Variants in GLIPR1 observed in about 807,000 individuals in gnomAD.
GLIPR1 encodes GLI pathogenesis related 1.
Under a neutral mutation model 30.3 loss-of-function variants are expected in GLIPR1, and 38 were observed. The ratio of observed to expected loss-of-function variants is 1.26; its 90% confidence interval spans 0.97 to 1.65. GLIPR1 has a LOEUF of 1.65. GLIPR1 is among the 40% of genes most tolerant of loss of function. GLIPR1 has a pLI of 0.00. For missense variants in GLIPR1, 285 were observed against 326.5 expected, an observed-to-expected ratio of 0.87 and a Z score of 0.98; for synonymous variants, 122 against 110.6, an observed-to-expected ratio of 1.10 and a Z score of -0.65.
In GLIPR1 at chr12:75,499,978, G is replaced by A. The variant is rs1281157218; in HGVS notation, c.*1000G>A. On this transcript the variant is annotated 3_prime_UTR_variant, in exon 6 of 6. Transcript: ENST00000266659. The stretch of plus-strand genomic sequence containing the variant: ...TAGACAAATTAAAAGCACAACACAT[G>A]TAATACTTTAGATTTTACCAAGTAA... 2 of 1,553,704 alleles carry A rather than the reference G, an allele frequency of 1.3e-6. No individual in the cohort carries two copies. The highest frequency in any genetic ancestry group is 4.0e-5 in the Admixed American group (2 of 50,440).
In GLIPR1 at chr12:75,481,017, C is replaced by T. The variant is rs368043396; in HGVS notation, c.137C>T (p.Ser46Leu). Reference protein sequence around the residue: ...DCVRIHNKFRSEVKPTASDML... With the variant: ...DCVRIHNKFRLEVKPTASDML... ...GTTCGAATCCATAACAAGTTCCGAT[C>T]AGAGGTGAAACCAACAGCCAGTGAT... Residue 46 changes from serine to leucine, a missense_variant, in exon 1 of 6, where the codon TCA becomes TTA. Physicochemically the swap from Ser to Leu is moderately radical, Grantham distance 145. Transcript: ENST00000266659. The T allele has an allele frequency of 2.2e-5, 36 of 1,613,678 alleles. No homozygotes were observed. Among genetic ancestry groups the T allele is most frequent in the Non-Finnish European group, 3.1e-5 (36 of 1,179,674 alleles).
At position 75,481,952 on chromosome 12, in the gene GLIPR1, A is replaced by G; in HGVS notation, c.293A>G (p.Glu98Gly). The part of the protein sequence containing the change: ...KLHPNFTSLG[E>G]NIWTGSVPIF... ...CACCCAAACTTCACTTCACTGGGAG[A>G]GAACATCTGGACTGGGTCTGTGCCC... Residue 98 changes from glutamate (E) to glycine (G), a missense_variant, in exon 2 of 6, where the codon GAG becomes GGG. By Grantham distance (98) the Glu-to-Gly change is moderately conservative. Coordinates refer to ENST00000266659, the MANE Select transcript of GLIPR1 (RefSeq NM_006851.3). 1 of 1,614,172 alleles carries G rather than the reference A, an allele frequency of 6.2e-7. No homozygotes were observed. The highest frequency in any genetic ancestry group is 2.2e-5 in the East Asian group (1 of 44,876).
At chr12:75,493,489 G>A (rs1015915211) in intron 3 of GLIPR1, 4 of 152,138 alleles carry the variant, frequency 2.6e-5, no homozygotes, top group African/African-American at 9.7e-5. Context: ...CAAGGGTATG[G>A]TGTGTAACAG....
chr12:75,495,566 C>A lies in GLIPR1; in HGVS notation c.534-11C>A. The A allele has an allele frequency of 6.5e-7, 1 of 1,531,742 alleles. No homozygotes were observed. The highest frequency in any genetic ancestry group is 9.0e-7 in the Non-Finnish European group (1 of 1,105,964). The allele number at this position is 1,531,742 out of a possible 1,614,324, so 94.9% of individuals were successfully genotyped here. ...AAAACTTCTAATGGACATCCTTCTTCTGCTTTACAGAGGGAATTACCCAAC... is the reference window on the plus strand; with the variant it reads ...AAAACTTCTAATGGACATCCTTCTTATGCTTTACAGAGGGAATTACCCAAC... On this transcript the variant is annotated splice_polypyrimidine_tract_variant and intron_variant, in intron 3 of 5. Coordinates refer to ENST00000266659, the MANE Select transcript of GLIPR1 (RefSeq NM_006851.3).
At position 75,502,762 on chromosome 12, in the gene GLIPR1, G is replaced by A. The variant is rs1311534544; in HGVS notation, c.*3784G>A. On this transcript the variant is annotated 3_prime_UTR_variant, in exon 6 of 6. Coordinates refer to ENST00000266659, the MANE Select transcript of GLIPR1 (RefSeq NM_006851.3). ...GTCAATCGAGACATCACTGTTTCAAGAAGCTTACACAGCTACAGAAGAAAG... is the reference window on the plus strand; with the variant it reads ...GTCAATCGAGACATCACTGTTTCAAAAAGCTTACACAGCTACAGAAGAAAG... 11 of 152,128 alleles carry A rather than the reference G, an allele frequency of 7.2e-5. No homozygotes were observed. The highest frequency in any genetic ancestry group is 6.2e-4 in the South Asian group (3 of 4,822). 9.4% of individuals were successfully genotyped at this position (152,128 alleles called of 1,614,324 possible).
Position 75,499,202 on chromosome 12 carries a change from T to G in GLIPR1, c.*224T>G. The G allele has an allele frequency of 2.7e-6, 1 of 367,592 alleles. No individual in the cohort carries two copies. The highest frequency in any genetic ancestry group is 4.8e-6 in the Non-Finnish European group (1 of 206,314). The allele number at this position is 367,592 out of a possible 1,614,324, so 22.8% of individuals were successfully genotyped here. A position where few individuals can be genotyped will look rare whatever the true frequency, so the allele number is the denominator to read the frequency against. Reference sequence around the variant, plus strand: ...CAGGTTGCCACAGGTGGACTTTTAGTAAGTAACCTAACCCATGTTTCAGCT... The same window carrying G: ...CAGGTTGCCACAGGTGGACTTTTAGGAAGTAACCTAACCCATGTTTCAGCT... On this transcript the variant is annotated 3_prime_UTR_variant, in exon 6 of 6. Coordinates refer to ENST00000266659, the MANE Select transcript of GLIPR1 (RefSeq NM_006851.3).
At position 75,482,071 on chromosome 12, in the gene GLIPR1, T is replaced by C; in HGVS notation, c.412T>C (p.Tyr138His). The stretch of plus-strand genomic sequence containing the variant: ...GATATGCAAAAAAGTCTGTGGCCAC[T>C]ACACTCAGGTAAGGATCTGCCCTAT... ...TRICKKVCGH[Y>H]TQVVWADSYK... Residue 138 changes from tyrosine to histidine, a missense_variant, in exon 2 of 6, where the codon TAC becomes CAC. By Grantham distance (83) the Tyr-to-His change is moderately conservative (BLOSUM62 2). Coordinates refer to ENST00000266659, the MANE Select transcript of GLIPR1 (RefSeq NM_006851.3). 6.2e-7 allele frequency: 1 copy of C among 1,612,492 alleles called. No homozygotes were observed. The highest frequency in any genetic ancestry group is 8.5e-7 in the Non-Finnish European group (1 of 1,178,504).
rs772179558 is a variant in GLIPR1 at position 75,499,777 on chromosome 12, G to GAGAT, written c.*802_*805dup. On this transcript the variant is annotated 3_prime_UTR_variant, in exon 6 of 6. Coordinates refer to ENST00000266659, the MANE Select transcript of GLIPR1 (RefSeq NM_006851.3). ...GATATCTCAAAATCCTTTACAAAAG[G>GAGAT]AGATAGTTCTAGTCAAGGAGTTTTG... The GAGAT allele has an allele frequency of 1.0e-5, 16 of 1,528,746 alleles. No individual in the cohort carries two copies. The highest frequency in any genetic ancestry group is 3.5e-4 in the Middle Eastern group (2 of 5,728). The allele number at this position is 1,528,746 out of a possible 1,614,324, so 94.7% of individuals were successfully genotyped here. A position where few individuals can be genotyped will look rare whatever the true frequency, so the allele number is the denominator to read the frequency against.
At chr12:75,486,132 AG>A (rs1324814106) in intron 2 of GLIPR1, among the ~76,000 whole-genome samples, 4 of 152,238 alleles carry the variant, frequency 2.6e-5, no homozygotes, top group African/African-American at 9.6e-5. Context: ...CTTCATGGCC[AG>A]GCAGAATTAG....
chr12:75,486,851 C>T (rs781690529), intron 2 of GLIPR1, among the ~76,000 whole-genome samples: 1 of 151,840 alleles, frequency 6.6e-6, no homozygotes, highest in African/African-American at 2.4e-5. Context: ...CTTTCTGGGG[C>T]GATAAAAATA....
chr12:75,480,918 C>A lies in GLIPR1; in HGVS notation c.38C>A (p.Ser13Tyr), dbSNP rs773209636. 4 of 1,613,858 alleles carry A rather than the reference C, an allele frequency of 2.5e-6. No homozygotes were observed. In the East Asian group the frequency reaches 8.9e-5, roughly 36 times the overall value. ...VTLATIAWMV[S>Y]FVSNYSHTAN... ...CTTGCTACAATAGCCTGGATGGTTT[C>A]TTTTGTCTCCAATTATTCACACACA... Residue 13 changes from serine (S) to tyrosine (Y), a missense_variant, in exon 1 of 6, where the codon TCT becomes TAT. Physicochemically the swap from Ser to Tyr is moderately radical, Grantham distance 144. Coordinates refer to ENST00000266659, the MANE Select transcript of GLIPR1 (RefSeq NM_006851.3).
At chr12:75,493,129 C>T (rs545826051) in intron 3 of GLIPR1, 2 of 152,126 alleles carry the variant, frequency 1.3e-5, no homozygotes, top group East Asian at 1.9e-4. Flanking sequence ...GCAGATCTAG[C>T]GGGAACTTTT....
chr12:75,501,682 T>C lies in GLIPR1; in HGVS notation c.*2704T>C, dbSNP rs1382825119. On this transcript the variant is annotated 3_prime_UTR_variant, in exon 6 of 6. Transcript: ENST00000266659. Reference sequence around the variant, plus strand: ...AGACAAATTTATTATGGGTTTACTTTTCCTAATTAATAAAGACTTTTACAT... The same window carrying C: ...AGACAAATTTATTATGGGTTTACTTCTCCTAATTAATAAAGACTTTTACAT... 14 of 1,307,470 alleles carry C rather than the reference T, an allele frequency of 1.1e-5. No individual in the cohort carries two copies. Among genetic ancestry groups the C allele is most frequent in the African/African-American group, 1.5e-5 (1 of 67,546 alleles). 81.0% of individuals were successfully genotyped at this position (1,307,470 alleles called of 1,614,324 possible).
chr12:75,487,693 T>G (rs1344015969), intron 2 of GLIPR1: 2 of 450,594 alleles, frequency 4.4e-6, no homozygotes, highest in Admixed American at 2.4e-5. Context: ...AAGCTGAGAC[T>G]CCAACCTCAG....
At position 75,501,830 on chromosome 12, in the gene GLIPR1, TAAAA is replaced by T; in HGVS notation, c.*2855_*2858del. ...TGCTTGTTTAGCCTACATTAATAAA[TAAAA>T]AATATATCAGTTAAATGTATTTATA... On this transcript the variant is annotated 3_prime_UTR_variant, in exon 6 of 6. Transcript: ENST00000266659. 6.3e-7 allele frequency: 1 copy of T among 1,579,482 alleles called. No individual in the cohort carries two copies. The highest frequency in any genetic ancestry group is 8.6e-7 in the Non-Finnish European group (1 of 1,158,004).
rs1429284960 is a variant in GLIPR1, at chr12:75,480,997, A to T, written c.117A>T (p.Arg39=). The T allele has an allele frequency of 6.2e-7, 1 of 1,614,048 alleles. No individual in the cohort carries two copies. The highest frequency in any genetic ancestry group is 8.5e-7 in the Non-Finnish European group (1 of 1,179,882). The change falls in exon 1 of 6, where the codon CGA becomes CGT. Residue 39 remains arginine (R), a synonymous_variant. Transcript: ENST00000266659. The stretch of plus-strand genomic sequence containing the variant: ...AAGATTTCATCAAAGACTGCGTTCG[A>T]ATCCATAACAAGTTCCGATCAGAGG... ...ENEDFIKDCV[R]IHNKFRSEVK...
chr12:75,495,319 G>A (rs1339861147), intron 3 of GLIPR1: 2 of 351,202 alleles, frequency 5.7e-6, no homozygotes, highest in South Asian at 5.0e-5. Flanking sequence ...TGTAAAACAA[G>A]AATAACTTCC....
In GLIPR1 at chr12:75,502,104, T is replaced by A. The variant is rs2046398555; in HGVS notation, c.*3126T>A. Reference sequence around the variant, plus strand: ...TAGGGTAAAAACAATGGGGTCAAACTGATTTATTAATAAAAATGGTAGTGA... The same window carrying A: ...TAGGGTAAAAACAATGGGGTCAAACAGATTTATTAATAAAAATGGTAGTGA... On this transcript the variant is annotated 3_prime_UTR_variant, in exon 6 of 6. Coordinates refer to ENST00000266659, the MANE Select transcript of GLIPR1 (RefSeq NM_006851.3). The A allele has an allele frequency of 3.5e-6, 3 of 855,644 alleles. No homozygotes were observed. Among genetic ancestry groups the A allele is most frequent in the Non-Finnish European group, 5.7e-6 (3 of 525,836 alleles). 53.0% of individuals were successfully genotyped at this position (855,644 alleles called of 1,614,324 possible).
chr12:75,481,357 C>CTTTTTTTTTTTTTTTTTTTTTTTTTT (rs72137011), intron 1 of GLIPR1: 1 of 144,306 alleles, frequency 6.9e-6, no homozygotes, highest in Non-Finnish European at 1.4e-5. Context: ...ATTTGGTTTT[C>CTTTTTTTTTTTTTTTTTTTTTTTTTT]TTTTTTTTTT....
Sources: gnomAD v4.1 joint callset for allele counts (sites outside exome capture counted in the v4.1 genomes callset) on GRCh38, gnomAD v4.1.1 for gene constraint, MANE v1.5 for transcripts, NCBI Gene and HGNC (gene_info 2026-07-23, HGNC 2026-07-21) for gene names.